RBMS1: variants seen among roughly 807,000 people sequenced by gnomAD.
The protein encoded by RBMS1 is RNA binding motif single stranded interacting protein 1.
Under a neutral mutation model 62.3 loss-of-function variants are expected in RBMS1, and 17 were observed. The observed-to-expected ratio is 0.27, with a 90% CI of 0.19 to 0.41. The LOEUF (loss-of-function observed/expected upper bound fraction) is 0.41, where lower values mean the gene tolerates loss of function less well. RBMS1 is among the 10% of genes least tolerant of loss of function. RBMS1 has a pLI of 1.00. For synonymous variants in RBMS1, 172 were observed against 170.0 expected, an observed-to-expected ratio of 1.01 and a Z score of -0.09; for missense variants, 334 against 504.5, an observed-to-expected ratio of 0.66 and a Z score of 3.24.
chr2:160,484,291 C>A (rs917069776), intron 1 of RBMS1, among the ~76,000 whole-genome samples: 1 of 151,256 alleles, frequency 6.6e-6, no homozygotes. Context: ...GTCAGCAGAT[C>A]GAGACCATCC....
At chr2:160,427,992 C>T (rs1048989433) in intron 1 of RBMS1, among the ~76,000 whole-genome samples, 1 of 151,844 alleles carries the variant, frequency 6.6e-6, no homozygotes, top group Admixed American at 6.6e-5. Context: ...GGAAGGGAAT[C>T]TCTGGTCTCT....
Position 160,376,458 on chromosome 2 carries a change from C to T in RBMS1, c.76-9067G>A, listed in dbSNP as rs191534159. 2.3e-3 allele frequency among the ~76,000 whole-genome samples: 351 copies of T among 152,134 alleles called. 1 individual carries two copies. Among genetic ancestry groups the T allele is most frequent in the African/African-American group, 8.0e-3 (333 of 41,502 alleles). ...GTTGTAATTTTGTGTATAAACATCA[C>T]TGAGAAAATTTTTTGAATTAATATA... On this transcript the variant is annotated intron_variant, in intron 1 of 13. Transcript: ENST00000348849.
chr2:160,442,426 T>G (rs537775137), intron 1 of RBMS1, among the ~76,000 whole-genome samples: 7 of 152,350 alleles, frequency 4.6e-5, no homozygotes, highest in African/African-American at 1.7e-4. Flanking sequence ...GTATTTGAAA[T>G]CTAATTTAAA....
At chr2:160,300,577 A>T in intron 6 of RBMS1, 74 bp downstream of exon 6, 1 of 1,465,818 alleles carries the variant, frequency 6.8e-7, no homozygotes, top group Non-Finnish European at 9.0e-7. Flanking sequence ...GTTCTATTGA[A>T]GAGTCATCAT....
chr2:160,432,722 G>A (rs1682950252), intron 1 of RBMS1, among the ~76,000 whole-genome samples: 1 of 152,140 alleles, frequency 6.6e-6, no homozygotes. Flanking sequence ...CGGGGAAAAG[G>A]GAGTAAAGGT....
chr2:160,356,955 T>C (rs1172009595), intron 2 of RBMS1, among the ~76,000 whole-genome samples: 2 of 152,120 alleles, frequency 1.3e-5, no homozygotes, highest in Non-Finnish European at 2.9e-5. Flanking sequence ...TTTTTTCACA[T>C]GCATTTATTA....
intron 1 of RBMS1, among the ~76,000 whole-genome samples, chr2:160,384,880 G>A (rs1274231169): frequency 6.6e-6 from 1 of 152,196 alleles, no homozygotes. Flanking sequence ...CCTGGTGGGG[G>A]GTTTGAATCA....
chr2:160,368,383 C>T (rs957608850), intron 1 of RBMS1, among the ~76,000 whole-genome samples: 4 of 152,174 alleles, frequency 2.6e-5, no homozygotes, highest in African/African-American at 9.7e-5. Flanking sequence ...TAAATAGTCA[C>T]TAGACAGTCA....
rs565859651 is a variant in RBMS1 at position 160,429,002 on chromosome 2, C to T, written c.76-61611G>A. ...TTGGCTATTAGTGCTTTCCAAGCTGCACTTTTCAACAGTTATCTATTGCTT... is the reference window on the plus strand; with the variant it reads ...TTGGCTATTAGTGCTTTCCAAGCTGTACTTTTCAACAGTTATCTATTGCTT... On this transcript the variant is annotated intron_variant, in intron 1 of 13. Transcript: ENST00000348849. Among the ~76,000 whole-genome samples the T allele has an allele frequency of 8.0e-4, 122 of 152,278 alleles. 1 individual carries two copies. Among genetic ancestry groups the T allele is most frequent in the Non-Finnish European group, 1.5e-3 (99 of 68,014 alleles).
intron 6 of RBMS1, among the ~76,000 whole-genome samples, chr2:160,296,083 A>G (rs1688921183): frequency 6.6e-6 from 1 of 152,250 alleles, no homozygotes; most frequent in Admixed American, 6.5e-5. Context: ...CAGGTGCTCA[A>G]TGCCGGAGGC....
intron 1 of RBMS1, among the ~76,000 whole-genome samples, chr2:160,479,059 T>C (rs1399150076): frequency 1.3e-5 from 2 of 152,242 alleles, no homozygotes; most frequent in Non-Finnish European, 2.9e-5. Context: ...GTTGTTGTTG[T>C]TGTTGACCAA....
rs5835799 is a variant in RBMS1 at position 160,318,229 on chromosome 2, T to TAAAAAAAAAAA, written c.252-13_252-3dup. 2.3e-5 allele frequency: 27 copies of TAAAAAAAAAAA among 1,164,696 alleles called. No individual in the cohort carries two copies. Among genetic ancestry groups the TAAAAAAAAAAA allele is most frequent in the Admixed American group, 1.1e-4 (2 of 18,084 alleles). The allele number at this position is 1,164,696 out of a possible 1,614,324, so 72.1% of individuals were successfully genotyped here. On this transcript the variant is annotated splice_polypyrimidine_tract_variant and splice_region_variant and intron_variant, in intron 2 of 13. Coordinates refer to ENST00000348849, the MANE Select transcript of RBMS1 (RefSeq NM_016836.4). ...TTTGTGGAGACTATTTTCCCATATC[T>TAAAAAAAAAAA]AAAAAAAAAAAAAAAAAAAAAAAGG...
chr2:160,418,234 G>A (rs1696281686), intron 1 of RBMS1, among the ~76,000 whole-genome samples: 1 of 152,146 alleles, frequency 6.6e-6, no homozygotes. Context: ...TTAGTCAAAT[G>A]CATGCATATA....
chr2:160,473,225 C>G (rs897733243), intron 1 of RBMS1, among the ~76,000 whole-genome samples: 4 of 152,164 alleles, frequency 2.6e-5, no homozygotes, highest in African/African-American at 9.7e-5. Flanking sequence ...AAGGTTGTCA[C>G]TTTTTCCCCA....
chr2:160,330,931 A>G (rs1691231324), intron 2 of RBMS1, among the ~76,000 whole-genome samples: 1 of 152,180 alleles, frequency 6.6e-6, no homozygotes, highest in Non-Finnish European at 1.5e-5. Context: ...TATTGTCCTC[A>G]TAAGAGGGAG....
chr2:160,493,755 A>C lies in RBMS1; in HGVS notation c.-392T>G. The C allele has an allele frequency of 4.6e-5, 10 of 219,736 alleles. No homozygotes were observed. The highest frequency in any genetic ancestry group is 8.0e-5 in the Non-Finnish European group (9 of 112,058). The allele number at this position is 219,736 out of a possible 1,614,324, so 13.6% of individuals were successfully genotyped here. A position where few individuals can be genotyped will look rare whatever the true frequency, so the allele number is the denominator to read the frequency against. On this transcript the variant is annotated 5_prime_UTR_variant, in exon 1 of 14. It introduces an in-frame stop codon into an upstream open reading frame of the 5' UTR. Transcript: ENST00000348849. ...GCTGCGCGGGGCTGAGAGGTGATCA[A>C]TACAAGTGGAAAGTGCGGCAGCGGC...
intron 1 of RBMS1, among the ~76,000 whole-genome samples, chr2:160,399,830 G>A (rs745476905): frequency 1.3e-5 from 2 of 152,050 alleles, no homozygotes; most frequent in East Asian, 3.8e-4. Flanking sequence ...TGGACGATAG[G>A]ACCGATAACT....
chr2:160,371,030 A>C (rs1693697492), intron 1 of RBMS1, among the ~76,000 whole-genome samples: 1 of 152,258 alleles, frequency 6.6e-6, no homozygotes, highest in African/African-American at 2.4e-5. Flanking sequence ...TGAAAGCTTC[A>C]GCATATTACT....
intron 1 of RBMS1, among the ~76,000 whole-genome samples, chr2:160,438,086 T>C (rs1683188503): frequency 6.6e-6 from 1 of 152,224 alleles, no homozygotes; most frequent in African/African-American, 2.4e-5. Context: ...GTCACTTTGA[T>C]GTTGATACCC....
Sources: allele counts gnomAD v4.1 joint callset (sites outside exome capture counted in the v4.1 genomes callset), GRCh38; gene constraint gnomAD v4.1.1; transcripts MANE v1.5; gene names NCBI Gene and HGNC (gene_info 2026-07-23, HGNC 2026-07-21).